The following DAB1 variants were observed in gnomAD, a reference collection of about 807,000 sequenced individuals.
The protein encoded by DAB1 is DAB adaptor protein 1.
In DAB1, 15 loss-of-function variants were observed where a neutral mutation model predicts 64.6. That is an observed-to-expected ratio of 0.23 (90% confidence interval 0.16 to 0.36). DAB1 has a LOEUF of 0.36. Among genes scored for constraint, DAB1 ranks in the 10% least tolerant of loss-of-function variants. The pLI, the probability that DAB1 is intolerant of heterozygous loss-of-function variation, is 1.00. For missense variants in DAB1, 596 were observed against 706.7 expected, an observed-to-expected ratio of 0.84 and a Z score of 1.78; for synonymous variants, 235 against 251.9, an observed-to-expected ratio of 0.93 and a Z score of 0.64.
intron 3 of DAB1, among the ~76,000 whole-genome samples, chr1:58,385,615 A>C (rs913236891): frequency 2.0e-5 from 3 of 152,226 alleles, no homozygotes; most frequent in Non-Finnish European, 2.9e-5. Flanking sequence ...ATAGAACTTT[A>C]CAGTTTATAA....
chr1:57,104,641 C>G lies in DAB1; in HGVS notation c.306+31902G>C, dbSNP rs1347603451. On this transcript the variant is annotated intron_variant, in intron 4 of 14. Coordinates refer to ENST00000371236, the MANE Select transcript of DAB1 (RefSeq NM_001365792.1). Reference sequence around the variant, plus strand: ...AGGAGAACTGAGTGAACGTGTTGCCCATCTAGTGTACTCACAAGACGGGGC... The same window carrying G: ...AGGAGAACTGAGTGAACGTGTTGCCGATCTAGTGTACTCACAAGACGGGGC... Among the ~76,000 whole-genome samples, 3 of 152,130 alleles carry G rather than the reference C, an allele frequency of 2.0e-5. No individual in the cohort carries two copies. The East Asian group carries it at 5.8e-4, about 29-fold the overall frequency.
At chr1:57,012,978 A>T (rs780398920) in intron 12 of DAB1, among the ~76,000 whole-genome samples, 3 of 151,732 alleles carry the variant, frequency 2.0e-5, no homozygotes, top group Non-Finnish European at 4.4e-5. Context: ...AGTGGTTCTC[A>T]GTCTGGGGCA....
At chr1:57,883,201 C>T (rs1644172480) in intron 1 of DAB1, among the ~76,000 whole-genome samples, 1 of 152,176 alleles carries the variant, frequency 6.6e-6, no homozygotes, top group South Asian at 2.1e-4. Flanking sequence ...GGAAGCATTT[C>T]CCAACAAGAA....
At chr1:57,156,629 A>G (rs1042746065) in intron 2 of DAB1, among the ~76,000 whole-genome samples, 3 of 152,220 alleles carry the variant, frequency 2.0e-5, no homozygotes, top group African/African-American at 7.2e-5. Context: ...ATCTTATTTT[A>G]TACAGTCCAT....
At chr1:58,375,895 C>G (rs981828504) in intron 3 of DAB1, among the ~76,000 whole-genome samples, 1 of 144,188 alleles carries the variant, frequency 6.9e-6, no homozygotes, top group African/African-American at 2.5e-5. Context: ...TCAACTTCTT[C>G]CTGGTTTAGT....
chr1:58,389,623 T>A (rs1275153117), intron 3 of DAB1, among the ~76,000 whole-genome samples: 2 of 152,222 alleles, frequency 1.3e-5, no homozygotes, highest in Non-Finnish European at 2.9e-5. Flanking sequence ...AATTTTCTCC[T>A]CATTGGGTCC....
At chr1:57,774,904 T>C (rs566539355) in intron 6 of DAB1, among the ~76,000 whole-genome samples, 1 of 151,864 alleles carries the variant, frequency 6.6e-6, no homozygotes, top group Admixed American at 6.6e-5. Context: ...TCTGAAGTTT[T>C]CTTTGGAAGA....
chr1:57,209,995 G>A (rs1193554291), intron 2 of DAB1, among the ~76,000 whole-genome samples: 1 of 152,196 alleles, frequency 6.6e-6, no homozygotes, highest in African/African-American at 2.4e-5. Flanking sequence ...TACAAACTGT[G>A]TGACCTTACT....
chr1:57,981,120 T>C (rs1031570437), intron 5 of DAB1, among the ~76,000 whole-genome samples: 1 of 152,150 alleles, frequency 6.6e-6, no homozygotes, highest in African/African-American at 2.4e-5. Context: ...ATAATACTTA[T>C]ATTATCTTAG....
intron 9 of DAB1, among the ~76,000 whole-genome samples, chr1:57,040,817 G>C (rs1647672808): frequency 6.6e-6 from 1 of 152,196 alleles, no homozygotes; most frequent in Non-Finnish European, 1.5e-5. Context: ...CATCAGTTCA[G>C]TACTTTGAAA....
At chr1:57,163,552 G>A (rs1660956812) in intron 2 of DAB1, among the ~76,000 whole-genome samples, 1 of 152,070 alleles carries the variant, frequency 6.6e-6, no homozygotes, top group African/African-American at 2.4e-5. Flanking sequence ...GAGTGCAATG[G>A]AAAGCCACGC....
chr1:58,191,103 A>G (rs1254485771), intron 4 of DAB1, among the ~76,000 whole-genome samples: 1 of 152,246 alleles, frequency 6.6e-6, no homozygotes, highest in African/African-American at 2.4e-5. Context: ...GCAAACAGAA[A>G]TACAAGATAC....
At chr1:57,596,645 C>T (rs372924162) in intron 7 of DAB1, among the ~76,000 whole-genome samples, 22 of 152,050 alleles carry the variant, frequency 1.4e-4, no homozygotes, top group African/African-American at 5.3e-4. Flanking sequence ...AGTGCCTCAC[C>T]TAGAGCAAGA....
Position 57,273,331 on chromosome 1 carries a change from C to T in DAB1, c.67+17633G>A, listed in dbSNP as rs539776878. Among the ~76,000 whole-genome samples the T allele has an allele frequency of 1.4e-4, 21 of 152,306 alleles. No individual in the cohort carries two copies. The South Asian group carries it at 3.5e-3, about 26-fold the overall frequency. On this transcript the variant is annotated intron_variant, in intron 2 of 14. Coordinates refer to ENST00000371236, the MANE Select transcript of DAB1 (RefSeq NM_001365792.1). ...TACATTCAGACACCCTTCTTCATGT[C>T]TGCAAGAGGAACATGTTTCCCATAG... is the stretch of plus-strand genomic sequence containing the variant.
intron 7 of DAB1, among the ~76,000 whole-genome samples, chr1:57,590,775 CA>C (rs1645437050): frequency 2.7e-5 from 4 of 150,674 alleles, no homozygotes; most frequent in African/African-American, 7.4e-5. Flanking sequence ...CACACACACA[CA>C]CACACACCCC....
intron 7 of DAB1, among the ~76,000 whole-genome samples, chr1:57,465,663 T>G (rs1045730178): frequency 6.6e-6 from 1 of 152,242 alleles, no homozygotes; most frequent in Non-Finnish European, 1.5e-5. Flanking sequence ...AGAAGATGCA[T>G]TTTGTTTTGT....
At chr1:57,061,595 GT>G (rs1426809828) in intron 9 of DAB1, among the ~76,000 whole-genome samples, 13 of 152,330 alleles carry the variant, frequency 8.5e-5, no homozygotes, top group African/African-American at 3.1e-4. Flanking sequence ...CTTTCTTATA[GT>G]GCCACCCACT....
intron 2 of DAB1, among the ~76,000 whole-genome samples, chr1:57,251,014 A>G (rs1669296998): frequency 6.6e-6 from 1 of 152,218 alleles, no homozygotes; most frequent in South Asian, 2.1e-4. Flanking sequence ...ATGGAGGTGT[A>G]TGTGGGAAAG....
intron 7 of DAB1, among the ~76,000 whole-genome samples, chr1:57,467,267 T>C (rs1477722251): frequency 1.3e-5 from 2 of 152,298 alleles, no homozygotes; most frequent in East Asian, 1.9e-4. Context: ...GAATCTAAGA[T>C]GAAAAACATT....
Sources: gnomAD v4.1 joint callset for allele counts (sites outside exome capture counted in the v4.1 genomes callset) on GRCh38, gnomAD v4.1.1 for gene constraint, MANE v1.5 for transcripts, NCBI Gene and HGNC (gene_info 2026-07-23, HGNC 2026-07-21) for gene names.